Variants in CNTN4 observed in about 807,000 individuals in gnomAD.
CNTN4 encodes the protein contactin-4.
In CNTN4, 77 loss-of-function variants were observed where a neutral mutation model predicts 122.5. The ratio of observed to expected loss-of-function variants is 0.63; its 90% confidence interval spans 0.52 to 0.76. The LOEUF (loss-of-function observed/expected upper bound fraction) is 0.76. Ranked by LOEUF, CNTN4 falls within the 30% of genes least tolerant of loss-of-function variation. The probability of loss-of-function intolerance (pLI) is 0.00; values close to 1 mark genes in which losing one functional copy is unlikely to be tolerated. For synonymous variants in CNTN4, 512 were observed against 447.0 expected (o/e 1.15, Z -1.83); for missense variants, 1,256 against 1,259.1 (o/e 1.00, Z 0.04).
chr3:2,819,432 T>G (rs1393153370), intron 6 of CNTN4, 54 bp from the exon 7 acceptor site: 1 of 1,350,802 alleles, frequency 7.4e-7, no homozygotes, highest in African/African-American at 1.4e-5. Context: ...TACTCTCCCT[T>G]GATATCTTAG....
chr3:3,002,048 G>A (rs1256566149), intron 14 of CNTN4, among the ~76,000 whole-genome samples: 2 of 152,206 alleles, frequency 1.3e-5, no homozygotes, highest in Non-Finnish European at 2.9e-5. Flanking sequence ...AATTAGCCCT[G>A]TCTTTAAAAA....
intron 6 of CNTN4, among the ~76,000 whole-genome samples, chr3:2,810,332 T>C (rs911524245): frequency 7.9e-5 from 12 of 152,314 alleles, no homozygotes; most frequent in African/African-American, 2.9e-4. Flanking sequence ...ATAATATTTA[T>C]AAAGTGGTTA....
chr3:2,220,239 C>T (rs1018157208), intron 2 of CNTN4, among the ~76,000 whole-genome samples: 1 of 152,136 alleles, frequency 6.6e-6, no homozygotes, highest in Non-Finnish European at 1.5e-5. Context: ...ATTACACTCT[C>T]CCTTCAGTAA....
At chr3:2,237,535 A>C (rs555776031) in intron 2 of CNTN4, among the ~76,000 whole-genome samples, 1 of 152,268 alleles carries the variant, frequency 6.6e-6, no homozygotes, top group South Asian at 2.1e-4. Flanking sequence ...CTTTGAGAGT[A>C]AAAAGAGAGA....
intron 5 of CNTN4, among the ~76,000 whole-genome samples, chr3:2,739,632 C>T (rs1315707767): frequency 1.3e-5 from 2 of 152,160 alleles, no homozygotes; most frequent in Non-Finnish European, 2.9e-5. Context: ...CCCCTCCTCT[C>T]TTAGGATTTT....
intron 2 of CNTN4, among the ~76,000 whole-genome samples, chr3:2,109,222 C>T (rs550843535): frequency 6.6e-6 from 1 of 152,092 alleles, no homozygotes; most frequent in African/African-American, 2.4e-5. Flanking sequence ...GGTGCATAAC[C>T]CCTAAGTACA....
intron 3 of CNTN4, among the ~76,000 whole-genome samples, chr3:2,361,778 T>C (rs145819717): frequency 1.5e-3 from 232 of 152,352 alleles, no homozygotes; most frequent in African/African-American, 5.4e-3. Context: ...ATTCAGTGTG[T>C]AGACATTGAG....
chr3:2,319,381 G>A (rs143751981), intron 2 of CNTN4, among the ~76,000 whole-genome samples: 583 of 152,156 alleles, frequency 3.8e-3, no homozygotes, highest in Non-Finnish European at 5.4e-3. Flanking sequence ...CTTGAACAAC[G>A]TTAGCTGCAT....
chr3:2,201,249 G>A (rs1009837947), intron 2 of CNTN4, among the ~76,000 whole-genome samples: 2 of 152,116 alleles, frequency 1.3e-5, no homozygotes, highest in African/African-American at 2.4e-5. Flanking sequence ...CCTGTAATTA[G>A]CTTCAAGAAT....
chr3:2,864,971 G>A (rs4327372), intron 7 of CNTN4, among the ~76,000 whole-genome samples: 107,712 of 151,382 alleles, frequency 0.71, 38,364 homozygotes, highest in East Asian at 0.79. Context: ...AAACTCACCT[G>A]TTGAGTATGT....
chr3:2,729,543 CAA>C (rs377584644), intron 4 of CNTN4, among the ~76,000 whole-genome samples: 2 of 70,048 alleles, frequency 2.9e-5, no homozygotes, highest in Admixed American at 1.9e-4. Context: ...GACTCCATCT[CAA>C]AAAAAAAAAA....
chr3:2,168,095 T>TG (rs1313758076), intron 2 of CNTN4, among the ~76,000 whole-genome samples: 2 of 152,182 alleles, frequency 1.3e-5, no homozygotes, highest in East Asian at 3.9e-4. Flanking sequence ...ATGAGGCCAT[T>TG]GCACCCCACT....
At chr3:2,203,712 A>C (rs773409666) in intron 2 of CNTN4, among the ~76,000 whole-genome samples, 11 of 152,178 alleles carry the variant, frequency 7.2e-5, no homozygotes. Context: ...AAGAAAAAAG[A>C]GAAAAAGCTA....
intron 5 of CNTN4, among the ~76,000 whole-genome samples, chr3:2,742,198 T>TG (rs1553626364): frequency 1.3e-5 from 2 of 151,634 alleles, no homozygotes; most frequent in Non-Finnish European, 2.9e-5. Flanking sequence ...CACTAGGTTC[T>TG]CTCCTCAGAC....
At chr3:2,907,407 T>C (rs780727755) in intron 12 of CNTN4, among the ~76,000 whole-genome samples, 14 of 152,066 alleles carry the variant, frequency 9.2e-5, no homozygotes, top group Admixed American at 2.6e-4. Flanking sequence ...ACCCCATCTC[T>C]ACTAAAAATA....
At chr3:2,266,484 T>C (rs1017987351) in intron 2 of CNTN4, among the ~76,000 whole-genome samples, 1 of 152,088 alleles carries the variant, frequency 6.6e-6, no homozygotes. Flanking sequence ...CTCTGATAAC[T>C]TTTTAACTCT....
chr3:2,213,246 T>C (rs1183147037), intron 2 of CNTN4, among the ~76,000 whole-genome samples: 4 of 152,170 alleles, frequency 2.6e-5, no homozygotes, highest in Non-Finnish European at 5.9e-5. Context: ...TAACTTCACA[T>C]AGCTGGTCTG....
chr3:3,022,197 T>C (rs183734324), intron 14 of CNTN4, among the ~76,000 whole-genome samples: 8 of 152,146 alleles, frequency 5.3e-5, no homozygotes, highest in African/African-American at 2.4e-5. Flanking sequence ...TGAGCCAAGA[T>C]TGTGCCTCTG....
intron 2 of CNTN4, among the ~76,000 whole-genome samples, chr3:2,315,399 C>T: frequency 6.6e-6 from 1 of 151,960 alleles, no homozygotes; most frequent in South Asian, 2.1e-4. Context: ...AAGTGGGATG[C>T]TGTTATCTGA....
Sources: allele counts gnomAD v4.1 joint callset (sites outside exome capture counted in the v4.1 genomes callset), GRCh38; gene constraint gnomAD v4.1.1; transcripts MANE v1.5; gene names NCBI Gene and HGNC (gene_info 2026-07-23, HGNC 2026-07-21).